The following PDE4B variants were observed in gnomAD, a reference collection of about 807,000 sequenced individuals.
The protein encoded by PDE4B is 3',5'-cyclic-AMP phosphodiesterase 4B.
In PDE4B, 20 loss-of-function variants were observed where a neutral mutation model predicts 82.2. The ratio of observed to expected loss-of-function variants is 0.24; its 90% CI spans 0.17 to 0.35. The LOEUF (loss-of-function observed/expected upper bound fraction) is 0.35. PDE4B is among the 10% of genes least tolerant of loss of function. The pLI is 1.00. For synonymous variants in PDE4B, 320 were observed against 318.9 expected (o/e 1.00, Z -0.04); for missense variants, 655 against 907.2 (o/e 0.72, Z 3.57).
intron 3 of PDE4B, among the ~76,000 whole-genome samples, chr1:65,944,404 A>G (rs1367077627): frequency 1.3e-5 from 2 of 151,880 alleles, no homozygotes; most frequent in Non-Finnish European, 2.9e-5. Context: ...CATCAGGGAT[A>G]TTGGCCTGTA....
chr1:66,083,709 C>G (rs1224165037), intron 3 of PDE4B, among the ~76,000 whole-genome samples: 1 of 152,122 alleles, frequency 6.6e-6, no homozygotes, highest in Non-Finnish European at 1.5e-5. Context: ...TAAATTATCT[C>G]CATAACCTAA....
chr1:65,801,138 T>C (rs1348923188), intron 1 of PDE4B, among the ~76,000 whole-genome samples: 2 of 152,170 alleles, frequency 1.3e-5, no homozygotes, highest in Non-Finnish European at 2.9e-5. Context: ...CTCTTACCCC[T>C]TCTTACTCCA....
chr1:66,196,043 T>C (rs1056064505), intron 3 of PDE4B, among the ~76,000 whole-genome samples: 7 of 152,194 alleles, frequency 4.6e-5, no homozygotes, highest in African/African-American at 1.7e-4. Flanking sequence ...AAACATTTTA[T>C]TGAATTTATT....
chr1:66,334,809 G>A (rs1251050399), intron 8 of PDE4B, among the ~76,000 whole-genome samples: 1 of 152,150 alleles, frequency 6.6e-6, no homozygotes, highest in African/African-American at 2.4e-5. Flanking sequence ...TGACACATAT[G>A]ATATAAGGCA....
intron 3 of PDE4B, among the ~76,000 whole-genome samples, chr1:66,016,160 G>A (rs186940601): frequency 0.012 from 1,755 of 152,250 alleles, 35 homozygotes; most frequent in African/African-American, 0.04. Context: ...TCATGGAGTT[G>A]TTGTGAGGAT....
intron 6 of PDE4B, among the ~76,000 whole-genome samples, chr1:66,259,186 T>C (rs770072044): frequency 3.9e-5 from 6 of 152,226 alleles, no homozygotes; most frequent in African/African-American, 1.2e-4. Flanking sequence ...CCAACTAGTA[T>C]TTATTTAGTA....
chr1:66,202,377 G>A (rs888923578), intron 3 of PDE4B, among the ~76,000 whole-genome samples: 2 of 152,178 alleles, frequency 1.3e-5, no homozygotes, highest in Non-Finnish European at 2.9e-5. Flanking sequence ...TTGGTGCAGA[G>A]CTGAATTCAA....
chr1:66,010,529 G>A (rs1310236275), intron 3 of PDE4B, among the ~76,000 whole-genome samples: 1 of 151,402 alleles, frequency 6.6e-6, no homozygotes, highest in Non-Finnish European at 1.5e-5. Context: ...TGAAGATTTA[G>A]TCAGATAATA....
At chr1:66,056,666 C>A (rs1045232959) in intron 3 of PDE4B, among the ~76,000 whole-genome samples, 11 of 151,032 alleles carry the variant, frequency 7.3e-5, no homozygotes, top group African/African-American at 9.7e-5. Context: ...AAGTGGAAGA[C>A]CTTTTATGCC....
At chr1:65,931,906 C>A (rs1647856553) in intron 3 of PDE4B, among the ~76,000 whole-genome samples, 1 of 152,204 alleles carries the variant, frequency 6.6e-6, no homozygotes, top group African/African-American at 2.4e-5. Flanking sequence ...TAATGGAACC[C>A]AGCATAATCT....
chr1:65,909,261 AAGT>A (rs1019992716), intron 1 of PDE4B, among the ~76,000 whole-genome samples: 3 of 152,192 alleles, frequency 2.0e-5, no homozygotes, highest in East Asian at 3.9e-4. Flanking sequence ...ATTGGAAAAA[AAGT>A]AGTATTTTTA....
intron 3 of PDE4B, among the ~76,000 whole-genome samples, chr1:66,177,029 T>A (rs562777604): frequency 7.9e-5 from 12 of 152,334 alleles, no homozygotes; most frequent in Admixed American, 3.3e-4. Flanking sequence ...ATAAAAGGGC[T>A]ATGCATAAAG....
chr1:66,056,212 T>C (rs1655283489), intron 3 of PDE4B, among the ~76,000 whole-genome samples: 1 of 152,178 alleles, frequency 6.6e-6, no homozygotes, highest in African/African-American at 2.4e-5. Context: ...TTAATTTCAA[T>C]TGTTATTTGC....
intron 1 of PDE4B, among the ~76,000 whole-genome samples, chr1:65,876,268 T>C (rs1646642691): frequency 6.6e-6 from 1 of 152,174 alleles, no homozygotes; most frequent in African/African-American, 2.4e-5. Context: ...GTGTATAATT[T>C]AATGCTTGTC....
Position 66,256,669 on chromosome 1 carries a change from C to T in PDE4B, c.477-978C>T, listed in dbSNP as rs184152967. Among the ~76,000 whole-genome samples, 8 of 152,262 alleles carry T rather than the reference C, an allele frequency of 5.3e-5. No individual in the cohort carries two copies. The East Asian group carries it at 5.8e-4, about 11-fold the overall frequency. On this transcript the variant is annotated intron_variant, in intron 4 of 16. Transcript: ENST00000341517. ...TGTTCGACTCTGGAGCCCCAGGCCTCGTGTGGTGCCTGGTACAGGGCACAT... is the reference window on the plus strand; with the variant it reads ...TGTTCGACTCTGGAGCCCCAGGCCTTGTGTGGTGCCTGGTACAGGGCACAT...
chr1:66,079,208 G>A (rs12140940), intron 3 of PDE4B, among the ~76,000 whole-genome samples: 1,747 of 130,826 alleles, frequency 0.013, 40 homozygotes, highest in African/African-American at 0.051. Context: ...CTCTGTCTCT[G>A]TCTCTTGGTC....
At chr1:66,244,533 C>A (rs1653147078) in intron 3 of PDE4B, among the ~76,000 whole-genome samples, 1 of 152,172 alleles carries the variant, frequency 6.6e-6, no homozygotes, top group African/African-American at 2.4e-5. Context: ...CCTCAGCCTT[C>A]CCTTTGCCCA....
chr1:66,306,841 T>C (rs998541681), intron 7 of PDE4B, among the ~76,000 whole-genome samples: 9 of 152,118 alleles, frequency 5.9e-5, no homozygotes, highest in Admixed American at 1.3e-4. Context: ...AGATGGGCTG[T>C]CTTATGATGA....
At chr1:65,893,383 C>T (rs1196024974) in intron 1 of PDE4B, among the ~76,000 whole-genome samples, 6 of 151,978 alleles carry the variant, frequency 3.9e-5, no homozygotes, top group Admixed American at 3.3e-4. Flanking sequence ...AAATGCTCAA[C>T]ATCACTAATC....
Sources: gnomAD v4.1 joint callset for allele counts (sites outside exome capture counted in the v4.1 genomes callset) on GRCh38, gnomAD v4.1.1 for gene constraint, MANE v1.5 for transcripts, NCBI Gene and HGNC (gene_info 2026-07-23, HGNC 2026-07-21) for gene names.